ANKRD12: variants seen among roughly 807,000 people sequenced by gnomAD.
ANKRD12 encodes the protein ankyrin repeat domain 12, also known as ankyrin repeat domain-containing protein 12.
A neutral mutation model predicts 183.4 loss-of-function variants in ANKRD12; 85 were observed. The observed-to-expected ratio is 0.46, with a 90% CI of 0.39 to 0.56. The LOEUF (loss-of-function observed/expected upper bound fraction) is 0.56, where lower values mean the gene tolerates loss of function less well. Ranked by LOEUF, ANKRD12 falls within the 20% of genes least tolerant of loss-of-function variation. The pLI, the probability that ANKRD12 is intolerant of heterozygous loss-of-function variation, is 0.00. For synonymous variants in ANKRD12, 914 were observed against 800.2 expected (o/e 1.14, Z -2.40); for missense variants, 2,405 against 2,357.1 (o/e 1.02, Z -0.42).
intron 1 of ANKRD12, among the ~76,000 whole-genome samples, chr18:9,177,437 A>G (rs574496832): frequency 0.012 from 1,604 of 135,320 alleles, 23 homozygotes; most frequent in African/African-American, 0.042. Context: ...TTTAAAATTA[A>G]TCGTTTAATT....
At chr18:9,247,242 G>GC (rs1465702798) in intron 8 of ANKRD12, among the ~76,000 whole-genome samples, 5 of 151,750 alleles carry the variant, frequency 3.3e-5, no homozygotes, top group Non-Finnish European at 7.4e-5. Context: ...ACTTTAGTAG[G>GC]CAGAGGCAGG....
intron 8 of ANKRD12, among the ~76,000 whole-genome samples, chr18:9,231,884 G>A (rs1005492045): frequency 4.0e-5 from 6 of 150,236 alleles, no homozygotes; most frequent in African/African-American, 2.4e-5. Flanking sequence ...ACTCTTGCTT[G>A]CTTTTGGTTT....
At chr18:9,170,207 C>T (rs1267785665) in intron 1 of ANKRD12, among the ~76,000 whole-genome samples, 2 of 152,080 alleles carry the variant, frequency 1.3e-5, no homozygotes, top group Non-Finnish European at 2.9e-5. Flanking sequence ...TTGCTCTTCT[C>T]GAGGAGTATC....
chr18:9,163,188 G>A (rs2143815696), intron 1 of ANKRD12, among the ~76,000 whole-genome samples: 1 of 152,288 alleles, frequency 6.6e-6, no homozygotes, highest in African/African-American at 2.4e-5. Context: ...TTACATTGAA[G>A]TCTTTAATCC....
intron 10 of ANKRD12, among the ~76,000 whole-genome samples, chr18:9,272,801 ATTAAG>A (rs1376987895): frequency 3.3e-5 from 5 of 151,700 alleles, no homozygotes; most frequent in African/African-American, 7.2e-5. Flanking sequence ...TCATATAAGA[ATTAAG>A]TTAATTAGGA....
chr18:9,216,643 T>C, intron 6 of ANKRD12, 115 bp from the exon 7 acceptor site: 1 of 1,026,600 alleles, frequency 9.7e-7, no homozygotes, highest in Non-Finnish European at 1.4e-6. Context: ...CACTCCTTTT[T>C]TTTTGCACGA....
intron 8 of ANKRD12, among the ~76,000 whole-genome samples, chr18:9,246,339 G>T (rs565663831): frequency 1.3e-5 from 2 of 152,174 alleles, no homozygotes; most frequent in African/African-American, 4.8e-5. Flanking sequence ...TATAATAAAA[G>T]TATAAATTCC....
intron 8 of ANKRD12, among the ~76,000 whole-genome samples, chr18:9,231,143 T>C (rs1198809990): frequency 6.6e-6 from 1 of 152,224 alleles, no homozygotes; most frequent in Non-Finnish European, 1.5e-5. Flanking sequence ...TTTCAAGTTT[T>C]AAAAATTTGT....
intron 1 of ANKRD12, among the ~76,000 whole-genome samples, chr18:9,155,865 T>A (rs1445326727): frequency 2.0e-5 from 3 of 152,154 alleles, no homozygotes; most frequent in African/African-American, 7.2e-5. Flanking sequence ...GTTTATGATG[T>A]TTACATTGTA....
At chr18:9,179,997 G>A (rs971613151) in intron 1 of ANKRD12, among the ~76,000 whole-genome samples, 1 of 152,116 alleles carries the variant, frequency 6.6e-6, no homozygotes, top group Non-Finnish European at 1.5e-5. Context: ...ACTGATTAAC[G>A]GCGTTTTTCT....
At position 9,155,802 on chromosome 18, in the gene ANKRD12, G is replaced by C. The variant is rs573480303; in HGVS notation, c.-52+18837G>C. ...TTTCACTGATTTGTTATACCTCTTG[G>C]ATTATTCTTTTTCATATGTGTTGCA... On this transcript the variant is annotated intron_variant, in intron 1 of 12. Transcript: ENST00000262126. 3.3e-5 allele frequency among the ~76,000 whole-genome samples: 5 copies of C among 151,814 alleles called. No homozygotes were observed. The Middle Eastern group carries it at 0.01, about 310-fold the overall frequency.
intron 8 of ANKRD12, among the ~76,000 whole-genome samples, chr18:9,243,807 T>C (rs938105481): frequency 1.3e-5 from 2 of 152,172 alleles, no homozygotes; most frequent in African/African-American, 4.8e-5. Context: ...TCTTACAAAA[T>C]GCAAATGTTA....
chr18:9,252,552 G>T (rs950018491), intron 8 of ANKRD12, among the ~76,000 whole-genome samples: 10 of 152,252 alleles, frequency 6.6e-5, no homozygotes, highest in African/African-American at 2.4e-4. Context: ...TCTTTTAAAA[G>T]AACCATTAGA....
At chr18:9,164,503 T>C (rs2031819663) in intron 1 of ANKRD12, among the ~76,000 whole-genome samples, 1 of 152,212 alleles carries the variant, frequency 6.6e-6, no homozygotes, top group Non-Finnish European at 1.5e-5. Flanking sequence ...GGTTGTTAAT[T>C]TGGTATCTTC....
chr18:9,281,796 T>C lies in ANKRD12; in HGVS notation c.*670T>C, dbSNP rs750433109. 1.3e-5 allele frequency: 2 copies of C among 152,632 alleles called. No homozygotes were observed. Among genetic ancestry groups the C allele is most frequent in the Non-Finnish European group, 2.9e-5 (2 of 68,030 alleles). The allele number at this position is 152,632 out of a possible 1,614,324, so 9.5% of individuals were successfully genotyped here. A position where few individuals can be genotyped will look rare whatever the true frequency, so the allele number is the denominator to read the frequency against. On this transcript the variant is annotated 3_prime_UTR_variant, in exon 13 of 13. Transcript: ENST00000262126. ...AAGTTGTGGTTTGTATGGAGTGTAG[T>C]AGTAGTGTGTACAGGTAGAAAACTT... is the stretch of plus-strand genomic sequence containing the variant.
At chr18:9,170,002 G>T (rs1475527896) in intron 1 of ANKRD12, among the ~76,000 whole-genome samples, 1 of 152,148 alleles carries the variant, frequency 6.6e-6, no homozygotes, top group Non-Finnish European at 1.5e-5. Flanking sequence ...GAAATTCTGG[G>T]TTGAAAATTA....
Position 9,179,195 on chromosome 18 carries a change from T to C in ANKRD12, c.-51-3187T>C, listed in dbSNP as rs570346329. ...TTGTAGATATCTTTGCTTGTCTACA[T>C]AGATTATCATGGTATCTGGAAATAA... On this transcript the variant is annotated intron_variant, in intron 1 of 12. Coordinates refer to ENST00000262126, the MANE Select transcript of ANKRD12 (RefSeq NM_015208.5). 1.3e-4 allele frequency among the ~76,000 whole-genome samples: 20 copies of C among 152,346 alleles called. No individual in the cohort carries two copies. The South Asian group carries it at 4.1e-3, about 32-fold the overall frequency.
intron 2 of ANKRD12, among the ~76,000 whole-genome samples, chr18:9,183,957 T>G (rs1357373369): frequency 6.6e-6 from 1 of 152,166 alleles, no homozygotes; most frequent in Non-Finnish European, 1.5e-5. Context: ...TTTTAAACTG[T>G]TTTTTGATGT....
chr18:9,182,106 C>T (rs2033736326), intron 1 of ANKRD12, among the ~76,000 whole-genome samples: 1 of 152,158 alleles, frequency 6.6e-6, no homozygotes, highest in African/African-American at 2.4e-5. Flanking sequence ...AAAAGAGAAA[C>T]GTTTTGTCAC....
Sources: gnomAD v4.1 joint callset for allele counts (sites outside exome capture counted in the v4.1 genomes callset) on GRCh38, gnomAD v4.1.1 for gene constraint, MANE v1.5 for transcripts, NCBI Gene and HGNC (gene_info 2026-07-23, HGNC 2026-07-21) for gene names.